The following KCNQ1 variants were observed in gnomAD, a reference collection of about 807,000 sequenced individuals.
The protein encoded by KCNQ1 is potassium voltage-gated channel subfamily KQT member 1.
In KCNQ1, 49 loss-of-function variants were observed where a neutral mutation model predicts 72.4. The ratio of observed to expected loss-of-function variants is 0.68; its 90% CI spans 0.54 to 0.86. The LOEUF is 0.86. Ranked by LOEUF, KCNQ1 falls within the 40% of genes least tolerant of loss-of-function variation. KCNQ1 has a pLI of 0.00. For synonymous variants in KCNQ1, 450 were observed against 412.6 expected (o/e 1.09, Z -1.10); for missense variants, 790 against 945.1 (o/e 0.84, Z 2.15).
rs1029180679 is a variant in KCNQ1 at position 2,651,834 on chromosome 11, C to A, written c.1394-10127C>A. 2.5e-6 allele frequency: 1 copy of A among 398,540 alleles called. No individual in the cohort carries two copies. The highest frequency in any genetic ancestry group is 4.4e-6 in the Non-Finnish European group (1 of 226,102). The allele number at this position is 398,540 out of a possible 1,614,324, so 24.7% of individuals were successfully genotyped here. A position where few individuals can be genotyped will look rare whatever the true frequency, so the allele number is the denominator to read the frequency against. The stretch of plus-strand genomic sequence containing the variant: ...TTGGAATGGAGCCCACAGGACCATA[C>A]CAGACAGATGCCACCACATCTTTTC... On this transcript the variant is annotated intron_variant, in intron 10 of 15. Coordinates refer to ENST00000155840, the MANE Select transcript of KCNQ1 (RefSeq NM_000218.3). The surrounding 1 kb of genome is among the most constrained non-coding windows in gnomAD (Gnocchi z 6.1).
chr11:2,788,163 C>T lies in KCNQ1; in HGVS notation c.1794+10126C>T, dbSNP rs574056741. ...CCCCAGCGCCCCTCTCCACCCCATG[C>T]CCCCAACAGAGATGCATCCCTGCAG... On this transcript the variant is annotated intron_variant, in intron 15 of 15. Transcript: ENST00000155840. 3.0e-4 allele frequency among the ~76,000 whole-genome samples: 45 copies of T among 152,028 alleles called. 1 individual carries two copies. Among genetic ancestry groups the T allele is most frequent in the Non-Finnish European group, 5.1e-4 (35 of 67,980 alleles).
rs587781009 is a variant in KCNQ1, at chr11:2,445,305, G to A, written c.207G>A (p.Ala69=). The A allele has an allele frequency of 4.9e-6, 7 of 1,439,538 alleles. No individual in the cohort carries two copies. In the African/African-American group the frequency reaches 5.9e-5, roughly 12 times the overall value. 89.2% of individuals were successfully genotyped at this position (1,439,538 alleles called of 1,614,324 possible). A position where few individuals can be genotyped will look rare whatever the true frequency, so the allele number is the denominator to read the frequency against. Residue 69 remains alanine (A), a synonymous_variant, in exon 1 of 16, where the codon GCG becomes GCA. Transcript: ENST00000155840. ...CCGCGCCCCCTGCGTCCCCGGCCGC[G>A]CCCGCCGCGCCCCCAGTTGCCTCCG... The part of the protein sequence containing the change: ...PGPAPPASPA[A]PAAPPVASDL...
chr11:2,739,500 A>G (rs533316373), intron 11 of KCNQ1, among the ~76,000 whole-genome samples: 18 of 152,348 alleles, frequency 1.2e-4, no homozygotes, highest in Middle Eastern at 6.8e-3. Flanking sequence ...TTACGCAAAA[A>G]AGGACATTTC....
chr11:2,452,572 C>T (rs527724062), intron 1 of KCNQ1, among the ~76,000 whole-genome samples: 2 of 152,202 alleles, frequency 1.3e-5, no homozygotes, highest in African/African-American at 2.4e-5. Context: ...CTAAGCAGCC[C>T]CGGGAACCAT....
chr11:2,831,605 C>T (rs1301811423), intron 15 of KCNQ1, among the ~76,000 whole-genome samples: 1 of 151,854 alleles, frequency 6.6e-6, no homozygotes, highest in Non-Finnish European at 1.5e-5. Flanking sequence ...ACCATAGTGT[C>T]CCCTCCGCTC....
At chr11:2,576,663 C>G (rs978753612) in intron 6 of KCNQ1, among the ~76,000 whole-genome samples, 1 of 152,248 alleles carries the variant, frequency 6.6e-6, no homozygotes, top group Non-Finnish European at 1.5e-5. Flanking sequence ...CAGAAATTCC[C>G]GCCTCCCTGG....
intron 8 of KCNQ1, among the ~76,000 whole-genome samples, chr11:2,586,958 C>T (rs1848600949): frequency 6.6e-6 from 1 of 152,166 alleles, no homozygotes; most frequent in African/African-American, 2.4e-5. Context: ...CCCCTCCTCC[C>T]ACCCTTCCCT....
intron 2 of KCNQ1, among the ~76,000 whole-genome samples, chr11:2,542,632 C>T (rs907114878): frequency 5.9e-5 from 9 of 152,300 alleles, no homozygotes; most frequent in East Asian, 1.9e-4. Context: ...CTCCTGGCTC[C>T]GGAGGGGACC....
chr11:2,529,730 A>C (rs75420537), intron 2 of KCNQ1, among the ~76,000 whole-genome samples: 1,947 of 152,042 alleles, frequency 0.013, 42 homozygotes, highest in African/African-American at 0.044. Context: ...TTGCGTTTCC[A>C]GATAAGGGAT....
rs146494955 is a variant in KCNQ1, at chr11:2,808,699, C to T, written c.1794+30662C>T. 1.3e-5 allele frequency among the ~76,000 whole-genome samples: 2 copies of T among 152,250 alleles called. No individual in the cohort carries two copies. Among genetic ancestry groups the T allele is most frequent in the South Asian group, 2.1e-4 (1 of 4,826 alleles). On this transcript the variant is annotated intron_variant, in intron 15 of 15. Transcript: ENST00000155840. This position sits in a 1 kb window ranked among gnomAD's most constrained non-coding sequence, Gnocchi z 6.0. ...AGGTAAATACCTTCATGACCATGCC[C>T]CCTTTCCCTAGGATACCCCTTGTTA...
chr11:2,557,028 G>A (rs755686199), intron 2 of KCNQ1, among the ~76,000 whole-genome samples: 6 of 152,358 alleles, frequency 3.9e-5, no homozygotes, highest in Middle Eastern at 3.4e-3. Context: ...AGGCCGTGCC[G>A]TAGCTCTGGG....
chr11:2,760,183 A>G (rs1319319821), intron 11 of KCNQ1, among the ~76,000 whole-genome samples: 1 of 152,100 alleles, frequency 6.6e-6, no homozygotes, highest in African/African-American at 2.4e-5. Flanking sequence ...AATTTGACCT[A>G]TCCAGAAACA....
At chr11:2,573,395 G>A (rs993995005) in intron 6 of KCNQ1, among the ~76,000 whole-genome samples, 2 of 152,126 alleles carry the variant, frequency 1.3e-5, no homozygotes, top group Admixed American at 6.5e-5. Flanking sequence ...TGCATACCTC[G>A]CGTGTCTCTG....
At chr11:2,716,728 C>T (rs933597466) in intron 11 of KCNQ1, among the ~76,000 whole-genome samples, 13 of 152,232 alleles carry the variant, frequency 8.5e-5, no homozygotes, top group African/African-American at 7.2e-5. Context: ...ACGGGCAGCG[C>T]GGTGCTTCTC....
chr11:2,705,754 G>A (rs991055094), intron 11 of KCNQ1, among the ~76,000 whole-genome samples: 72 of 152,342 alleles, frequency 4.7e-4, no homozygotes, highest in African/African-American at 1.7e-3. Context: ...TTGAGTCCTG[G>A]GAGAGGTGTT....
At position 2,645,754 on chromosome 11, in the gene KCNQ1, A is replaced by T; in HGVS notation, c.1394-16207A>T. 1 of 398,786 alleles carries T rather than the reference A, an allele frequency of 2.5e-6. No homozygotes were observed. Among genetic ancestry groups the T allele is most frequent in the Non-Finnish European group, 4.4e-6 (1 of 226,234 alleles). 24.7% of individuals were successfully genotyped at this position (398,786 alleles called of 1,614,324 possible). On this transcript the variant is annotated intron_variant, in intron 10 of 15. Transcript: ENST00000155840. This position sits in a 1 kb window ranked among gnomAD's most constrained non-coding sequence, Gnocchi z 5.8. ...GGATGTCCATGGGGCTCCAGGGATG[A>T]GATAGAGGGATGTGGGGCCCACAGC...
At chr11:2,570,456 G>A (rs1304145590) in intron 2 of KCNQ1, among the ~76,000 whole-genome samples, 172 bp from the exon 3 acceptor site, 1 of 152,224 alleles carries the variant, frequency 6.6e-6, no homozygotes, top group African/African-American at 2.4e-5. Flanking sequence ...CAGCCTTCCA[G>A]GGCCTCTGTG....
At chr11:2,665,365 A>G (rs1850048223) in intron 11 of KCNQ1, 1 of 398,062 alleles carries the variant, frequency 2.5e-6, no homozygotes, top group South Asian at 1.3e-4. Context: ...GAGCACCCCC[A>G]TGACAAGAGG....
At chr11:2,597,575 T>C (rs1265804549) in intron 10 of KCNQ1, among the ~76,000 whole-genome samples, 1 of 152,200 alleles carries the variant, frequency 6.6e-6, no homozygotes, top group African/African-American at 2.4e-5. Flanking sequence ...GTATGAAATC[T>C]GCCATCATGT....
Sources: gnomAD v4.1 joint callset for allele counts (sites outside exome capture counted in the v4.1 genomes callset) on GRCh38, gnomAD v4.1.1 for gene constraint, Gnocchi (gnomAD v3.1) non-coding constraint, MANE v1.5 for transcripts, NCBI Gene and HGNC (gene_info 2026-07-23, HGNC 2026-07-21) for gene names.